Variants in ZNF585B observed in about 807,000 individuals in gnomAD.
ZNF585B encodes the protein zinc finger protein 585B.
Under a neutral mutation model 14.0 loss-of-function variants are expected in ZNF585B, and 7 were observed. The observed-to-expected ratio is 0.50, with a 90% CI of 0.28 to 0.94. The LOEUF (loss-of-function observed/expected upper bound fraction) is 0.94. Among genes scored for constraint, ZNF585B ranks in the 40% least tolerant of loss-of-function variants. ZNF585B has a pLI of 0.09. For synonymous variants in ZNF585B, 290 were observed against 317.3 expected (o/e 0.91, Z 0.91); for missense variants, 750 against 924.4 (o/e 0.81, Z 2.45).
chr19:37,184,428 A>AAGAAAGAAAGAGAGAG lies in ZNF585B; in HGVS notation c.*798_*799insCTCTCTCTTTCTTTCT. On this transcript the variant is annotated 3_prime_UTR_variant, in exon 5 of 5. Transcript: ENST00000532828. Reference sequence around the variant, plus strand: ...AGAAAGAAAGAAAGAGAAAGAAAGAAAAAGAAAGAAAGAAGGAAAGAAAGA... The same window carrying AAGAAAGAAAGAGAGAG: ...AGAAAGAAAGAAAGAGAAAGAAAGAAAGAAAGAAAGAGAGAGAAAGAAAGAAAGAAGGAAAGAAAGA... 1 of 52,466 alleles carries AAGAAAGAAAGAGAGAG rather than the reference A, an allele frequency of 1.9e-5. No individual in the cohort carries two copies. The highest frequency in any genetic ancestry group is 4.3e-4 in the East Asian group (1 of 2,328). 3.3% of individuals were successfully genotyped at this position (52,466 alleles called of 1,614,324 possible).
At chr19:37,189,891 A>C in intron 3 of ZNF585B, 133 bp downstream of exon 3, 1 of 1,556,716 alleles carries the variant, frequency 6.4e-7, no homozygotes, top group Non-Finnish European at 8.7e-7. Flanking sequence ...TGAGTACCCT[A>C]AACAAACAGA....
intron 1 of ZNF585B, among the ~76,000 whole-genome samples, chr19:37,208,353 A>G (rs1972609232): frequency 6.6e-6 from 1 of 152,176 alleles, no homozygotes; most frequent in Non-Finnish European, 1.5e-5. Flanking sequence ...AAGGATATTA[A>G]AATAATTTTC....
At position 37,200,549 on chromosome 19, in the gene ZNF585B, C is replaced by CA. The variant is rs368092726; in HGVS notation, c.72+6490dup. ...TGGGTGACAGAGCAAGATTCTGTCT[C>CA]AAAAAAAAAAAAAAAAAAAAGCACA... On this transcript the variant is annotated intron_variant, in intron 2 of 4. Coordinates refer to ENST00000532828, the MANE Select transcript of ZNF585B (RefSeq NM_152279.4). Among the ~76,000 whole-genome samples the CA allele has an allele frequency of 5.7e-3, 274 of 48,364 alleles. 4 individuals are homozygous for CA. Among genetic ancestry groups the CA allele is most frequent in the African/African-American group, 7.6e-3 (96 of 12,638 alleles). 31.7% of individuals were successfully genotyped at this position (48,364 alleles called of 152,430 possible).
intron 2 of ZNF585B, among the ~76,000 whole-genome samples, chr19:37,191,382 C>T (rs2145434494): frequency 6.6e-6 from 1 of 152,124 alleles, no homozygotes; most frequent in East Asian, 1.9e-4. Context: ...CTTTGGGAGG[C>T]CAAGGTAGGT....
chr19:37,192,767 G>A (rs571667859), intron 2 of ZNF585B, among the ~76,000 whole-genome samples: 52 of 151,990 alleles, frequency 3.4e-4, no homozygotes, highest in African/African-American at 1.2e-3. Context: ...CCAAGATTAC[G>A]CCACTGCACT....
At chr19:37,196,019 T>G (rs1407548875) in intron 2 of ZNF585B, 1 of 151,966 alleles carries the variant, frequency 6.6e-6, no homozygotes, top group Non-Finnish European at 1.5e-5. Flanking sequence ...AGAGCAAAAC[T>G]CTGTCCCCCT....
chr19:37,184,880 T>C lies in ZNF585B; in HGVS notation c.*347A>G. On this transcript the variant is annotated 3_prime_UTR_variant, in exon 5 of 5. Transcript: ENST00000532828. ...TTCAAACTGTTGGCACTATACCTAATCCACAGTAAACAGGATTATCATTCC... is the reference window on the plus strand; with the variant it reads ...TTCAAACTGTTGGCACTATACCTAACCCACAGTAAACAGGATTATCATTCC... 2.2e-6 allele frequency: 1 copy of C among 444,510 alleles called. No homozygotes were observed. The highest frequency in any genetic ancestry group is 3.9e-6 in the Non-Finnish European group (1 of 253,430). 27.5% of individuals were successfully genotyped at this position (444,510 alleles called of 1,614,324 possible). A position where few individuals can be genotyped will look rare whatever the true frequency, so the allele number is the denominator to read the frequency against.
rs1972337742 is a variant in ZNF585B, at chr19:37,186,668, C to A, written c.869G>T (p.Arg290Ile). The change falls in exon 5 of 5, where the codon AGA becomes ATA. Residue 290 changes from arginine to isoleucine, a missense_variant. By Grantham distance (97) the Arg-to-Ile change is moderately conservative. Transcript: ENST00000532828. ...IQKTQLIAHR[R>I]IHSGEKPYEC... ...ATATGGTTTTTCTCCACTATGAATT[C>A]TTCGGTGTGCAATCAATTGTGTTTT... 6.2e-7 allele frequency: 1 copy of A among 1,614,052 alleles called. No individual in the cohort carries two copies. Among genetic ancestry groups the A allele is most frequent in the Admixed American group, 1.7e-5 (1 of 59,998 alleles).
rs1337450442 is a variant in ZNF585B at position 37,187,166 on chromosome 19, TA to T, written c.370del (p.Tyr124IlefsTer26). The T allele has an allele frequency of 5.0e-6, 8 of 1,613,734 alleles. No homozygotes were observed. In the South Asian group the frequency reaches 7.7e-5, roughly 16 times the overall value. ...ACACTCATAGGATTTTTCCCCAGAATAAATTTTTTGATCTTGAGAGGAAGCT... is the reference window on the plus strand; with the variant it reads ...ACACTCATAGGATTTTTCCCCAGAATAATTTTTTGATCTTGAGAGGAAGCT... ...KPASSQDQKI[Y>X]SGEKSYECAE... On this transcript the variant is annotated frameshift_variant, in exon 5 of 5. Coordinates refer to ENST00000532828, the MANE Select transcript of ZNF585B (RefSeq NM_152279.4). LOFTEE classifies it low-confidence loss of function (END_TRUNC).
chr19:37,196,176 A>G (rs1972463964), intron 2 of ZNF585B: 3 of 152,340 alleles, frequency 2.0e-5, no homozygotes, highest in Middle Eastern at 3.4e-3. Flanking sequence ...AAAGAAAACT[A>G]TAGACCAGTA....
Position 37,185,736 on chromosome 19 carries a change from T to C in ZNF585B, c.1801A>G (p.Thr601Ala). 2.5e-6 allele frequency: 4 copies of C among 1,601,464 alleles called. No individual in the cohort carries two copies. The highest frequency in any genetic ancestry group is 1.1e-5 in the South Asian group (1 of 89,928). ...SNFITHQRIHTGEKPYECSDC... is the reference protein window; with the variant it reads ...SNFITHQRIHAGEKPYECSDC... ...CTGCATTCATAAGGCTTCTCTCCAGTATGAATTCTTTGATGAGTAATAAAG... is the reference window on the plus strand; with the variant it reads ...CTGCATTCATAAGGCTTCTCTCCAGCATGAATTCTTTGATGAGTAATAAAG... Residue 601 changes from threonine (T) to alanine (A), a missense_variant, in exon 5 of 5, where the codon ACT (threonine) becomes GCT (alanine). By Grantham distance (58) the Thr-to-Ala change is moderately conservative. Transcript: ENST00000532828.
At chr19:37,189,631 C>A in intron 4 of ZNF585B, 30 bp downstream of exon 4, 1 of 1,611,206 alleles carries the variant, frequency 6.2e-7, no homozygotes, top group Non-Finnish European at 8.5e-7. Flanking sequence ...TCCCATCTAA[C>A]CTGAGTCACA....
rs538570807 is a variant in ZNF585B, at chr19:37,200,634, T to C, written c.72+6406A>G. On this transcript the variant is annotated intron_variant, in intron 2 of 4. Transcript: ENST00000532828. Reference sequence around the variant, plus strand: ...GAAATAAGGAGTTTCAAAAAGAAAATAGAAAAAAAGAATTTAATAAAAACA... The same window carrying C: ...GAAATAAGGAGTTTCAAAAAGAAAACAGAAAAAAAGAATTTAATAAAAACA... 7.5e-4 allele frequency among the ~76,000 whole-genome samples: 90 copies of C among 120,242 alleles called. 1 individual carries two copies. Among genetic ancestry groups the C allele is most frequent in the African/African-American group, 2.2e-3 (70 of 31,536 alleles). 78.9% of individuals were successfully genotyped at this position (120,242 alleles called of 152,430 possible).
At position 37,184,496 on chromosome 19, in the gene ZNF585B, G is replaced by GAAAGAAAGAAAGAAAGAAAGAA. The variant is rs1568505102; in HGVS notation, c.*730_*731insTTCTTTCTTTCTTTCTTTCTTT. On this transcript the variant is annotated 3_prime_UTR_variant, in exon 5 of 5. Coordinates refer to ENST00000532828, the MANE Select transcript of ZNF585B (RefSeq NM_152279.4). ...AGAAAGAAAGAAAGAAAGAAAGAAA[G>GAAAGAAAGAAAGAAAGAAAGAA]AAAGAAAGAGAAAGAAAGAAAGAAA... 5 of 91,408 alleles carry GAAAGAAAGAAAGAAAGAAAGAA rather than the reference G, an allele frequency of 5.5e-5. 1 individual carries two copies. The highest frequency in any genetic ancestry group is 1.8e-4 in the African/African-American group (4 of 21,700). 5.7% of individuals were successfully genotyped at this position (91,408 alleles called of 1,614,324 possible).
chr19:37,209,971 T>C (rs1326556255), intron 1 of ZNF585B, among the ~76,000 whole-genome samples: 1 of 151,748 alleles, frequency 6.6e-6, no homozygotes, highest in Non-Finnish European at 1.5e-5. Context: ...CGCCTGGGTC[T>C]CCCAAAGTGC....
Position 37,207,222 on chromosome 19 carries a change from T to A in ZNF585B, c.-111A>T. On this transcript the variant is annotated 5_prime_UTR_variant, in exon 2 of 5. An upstream open reading frame in the 5' UTR gains an earlier in-frame stop. Transcript: ENST00000532828. ...GTGGGCTGGAGTCTGGAGGAAGGTC[T>A]GGCCCAGGGACTCCCCAGAGACACC... is the stretch of plus-strand genomic sequence containing the variant. 1 of 1,544,954 alleles carries A rather than the reference T, an allele frequency of 6.5e-7. No individual in the cohort carries two copies. Among genetic ancestry groups the A allele is most frequent in the Non-Finnish European group, 8.7e-7 (1 of 1,148,920 alleles).
chr19:37,199,180 G>A (rs967385241), intron 2 of ZNF585B: 1 of 497,848 alleles, frequency 2.0e-6, no homozygotes, highest in East Asian at 3.6e-5. Context: ...AACACGAGAT[G>A]TCATGTTAGG....
chr19:37,202,414 A>T (rs532264376), intron 2 of ZNF585B, among the ~76,000 whole-genome samples: 1 of 152,360 alleles, frequency 6.6e-6, no homozygotes, highest in Admixed American at 6.5e-5. Flanking sequence ...CAAAAACCTG[A>T]AACAAGGTTG....
intron 2 of ZNF585B, among the ~76,000 whole-genome samples, chr19:37,206,486 G>C (rs1972588918): frequency 6.6e-6 from 1 of 151,486 alleles, no homozygotes; most frequent in Non-Finnish European, 1.5e-5. Context: ...AAACAAACTA[G>C]AGTTTTTAAA....
Sources: gnomAD v4.1 joint callset for allele counts (sites outside exome capture counted in the v4.1 genomes callset) on GRCh38, gnomAD v4.1.1 for gene constraint, MANE v1.5 for transcripts, NCBI Gene and HGNC (gene_info 2026-07-23, HGNC 2026-07-21) for gene names.